ASXL2: variants seen among roughly 807,000 people sequenced by gnomAD.
ASXL2 encodes the protein putative Polycomb group protein ASXL2.
ASXL2 carries 23 observed loss-of-function variants against 122.0 expected under a neutral mutation model. That is an observed-to-expected ratio of 0.19 (90% CI 0.14 to 0.27). The LOEUF (loss-of-function observed/expected upper bound fraction) is 0.27, where lower values mean the gene tolerates loss of function less well. Ranked by LOEUF, ASXL2 falls within the 10% of genes least tolerant of loss-of-function variation. The probability of loss-of-function intolerance (pLI) is 1.00; values close to 1 mark genes in which losing one functional copy is unlikely to be tolerated. For synonymous variants in ASXL2, 650 were observed against 637.0 expected (o/e 1.02, Z -0.31); for missense variants, 1,518 against 1,713.8 (o/e 0.89, Z 2.02).
At chr2:25,834,623 G>A (rs1162572685) in intron 3 of ASXL2, among the ~76,000 whole-genome samples, 1 of 152,080 alleles carries the variant, frequency 6.6e-6, no homozygotes, top group Admixed American at 6.6e-5. Context: ...GAAAATACAT[G>A]GGCATGACTG....
intron 5 of ASXL2, among the ~76,000 whole-genome samples, chr2:25,778,212 G>A (rs557959550): frequency 2.9e-4 from 44 of 152,250 alleles, no homozygotes; most frequent in Admixed American, 1.9e-3. Flanking sequence ...ACTCAGTTAA[G>A]GATCTTCAGA....
chr2:25,757,504 A>AACACACAC (rs550460261), intron 9 of ASXL2, among the ~76,000 whole-genome samples: 2 of 148,694 alleles, frequency 1.3e-5, no homozygotes, highest in Admixed American at 6.7e-5. Flanking sequence ...AGAAAAAGAA[A>AACACACAC]ACACACACAC....
At chr2:25,791,110 G>A (rs1177856677) in intron 5 of ASXL2, among the ~76,000 whole-genome samples, 13 of 151,886 alleles carry the variant, frequency 8.6e-5, no homozygotes, top group Admixed American at 8.5e-4. Context: ...AAACAGTCTT[G>A]ATCTTCCTGG....
intron 3 of ASXL2, chr2:25,810,582 CTCTGCATCA>C: frequency 1.4e-6 from 1 of 731,602 alleles, no homozygotes; most frequent in South Asian, 1.4e-5. Context: ...CAGCTCTCTC[CTCTGCATCA>C]TCTGCCTGCT....
In ASXL2 at chr2:25,740,454, C is replaced by T. The variant is rs934042316; in HGVS notation, c.*1575G>A. ...GTACTATGTTGCATTAACATTTGTA[C>T]TTTACCCATTCCAAATTAGGAGACT... is the stretch of plus-strand genomic sequence containing the variant. On this transcript the variant is annotated 3_prime_UTR_variant, in exon 13 of 13. Transcript: ENST00000435504. 3.5e-5 allele frequency: 8 copies of T among 227,762 alleles called. No individual in the cohort carries two copies. The highest frequency in any genetic ancestry group is 1.8e-4 in the South Asian group (1 of 5,470). 14.1% of individuals were successfully genotyped at this position (227,762 alleles called of 1,614,324 possible). A position where few individuals can be genotyped will look rare whatever the true frequency, so the allele number is the denominator to read the frequency against.
intron 5 of ASXL2, among the ~76,000 whole-genome samples, chr2:25,795,975 T>G (rs10191905): frequency 0.28 from 42,153 of 152,034 alleles, 6,154 homozygotes; most frequent in African/African-American, 0.32. Context: ...AGAAGCACCC[T>G]CTTTGTCTTG....
intron 8 of ASXL2, among the ~76,000 whole-genome samples, chr2:25,762,639 T>A (rs1338165278): frequency 8.4e-6 from 1 of 118,374 alleles, no homozygotes; most frequent in Non-Finnish European, 1.6e-5. Flanking sequence ...TACTCCAGCC[T>A]GGGTGACAGA....
chr2:25,831,302 CA>C (rs943377385), intron 3 of ASXL2, among the ~76,000 whole-genome samples: 318 of 62,482 alleles, frequency 5.1e-3, no homozygotes, highest in East Asian at 0.016. Context: ...GACTCCGTCT[CA>C]AAAAAAAAAA....
chr2:25,822,607 T>C lies in ASXL2; in HGVS notation c.143+12931A>G, dbSNP rs555336922. 1.3e-3 allele frequency: 685 copies of C among 536,176 alleles called. 11 individuals are homozygous for C. Among genetic ancestry groups the C allele is most frequent in the South Asian group, 0.011 (669 of 62,828 alleles). 33.2% of individuals were successfully genotyped at this position (536,176 alleles called of 1,614,324 possible). A position where few individuals can be genotyped will look rare whatever the true frequency, so the allele number is the denominator to read the frequency against. On this transcript the variant is annotated intron_variant, in intron 3 of 12. Transcript: ENST00000435504. ...GTTGTCTCAGAGGAAGTGATAATTTTAAGTATTTAAATGAAGTTGATCTTT... is the reference window on the plus strand; with the variant it reads ...GTTGTCTCAGAGGAAGTGATAATTTCAAGTATTTAAATGAAGTTGATCTTT...
chr2:25,860,563 AT>A (rs2089832442), intron 1 of ASXL2, among the ~76,000 whole-genome samples: 1 of 149,544 alleles, frequency 6.7e-6, no homozygotes, highest in African/African-American at 2.5e-5. Context: ...AAATACAAAA[AT>A]GCCGGGCGTG....
intron 2 of ASXL2, among the ~76,000 whole-genome samples, chr2:25,842,129 A>G (rs1001331389): frequency 1.4e-4 from 22 of 152,036 alleles, no homozygotes; most frequent in African/African-American, 5.1e-4. Flanking sequence ...AAAAGAAAAA[A>G]AAAAAAGAAA....
At chr2:25,847,684 G>C (rs530889079) in intron 1 of ASXL2, among the ~76,000 whole-genome samples, 1 of 152,140 alleles carries the variant, frequency 6.6e-6, no homozygotes, top group Non-Finnish European at 1.5e-5. Flanking sequence ...ATACACCATG[G>C]ACCTGGATAA....
chr2:25,807,244 G>C (rs1253368657), intron 3 of ASXL2, among the ~76,000 whole-genome samples: 1 of 152,102 alleles, frequency 6.6e-6, no homozygotes, highest in African/African-American at 2.4e-5. Context: ...TTCCCTCTCA[G>C]TTTTCTGTTG....
rs188748699 is a variant in ASXL2 at position 25,746,625 on chromosome 2, T to G, written c.1861-2149A>C. On this transcript the variant is annotated intron_variant, in intron 12 of 12. Transcript: ENST00000435504. ...CGTGAGAGTAACTCTATACCTAACA[T>G]AATACATCATATCTATCATAATAAC... is the stretch of plus-strand genomic sequence containing the variant. Among the ~76,000 whole-genome samples the G allele has an allele frequency of 1.7e-4, 26 of 152,126 alleles. No individual in the cohort carries two copies. The East Asian group carries it at 4.6e-3, about 27-fold the overall frequency.
intron 3 of ASXL2, among the ~76,000 whole-genome samples, chr2:25,816,637 T>C (rs910810370): frequency 6.6e-6 from 1 of 152,200 alleles, no homozygotes; most frequent in Admixed American, 6.5e-5. Context: ...AAAAAAAGTA[T>C]TTGTTGTTAT....
intron 3 of ASXL2, among the ~76,000 whole-genome samples, chr2:25,814,945 C>T (rs1273478886): frequency 6.6e-6 from 1 of 152,186 alleles, no homozygotes; most frequent in Non-Finnish European, 1.5e-5. Flanking sequence ...AGAGGTAATA[C>T]TGCCTACTGT....
chr2:25,776,283 A>T, intron 5 of ASXL2, among the ~76,000 whole-genome samples: 1 of 152,200 alleles, frequency 6.6e-6, no homozygotes, highest in East Asian at 1.9e-4. Context: ...TTTGTGAATG[A>T]CTTTTTCAAC....
chr2:25,768,990 A>G (rs2088400348), intron 6 of ASXL2, 122 bp from the exon 7 acceptor site: 2 of 1,197,044 alleles, frequency 1.7e-6, no homozygotes, highest in Non-Finnish European at 2.3e-6. Flanking sequence ...AAATCTATCA[A>G]AGCAAACAAA....
At chr2:25,848,596 C>G (rs569858542) in intron 1 of ASXL2, among the ~76,000 whole-genome samples, 1 of 152,014 alleles carries the variant, frequency 6.6e-6, no homozygotes, top group African/African-American at 2.4e-5. Context: ...GCACTCCAGC[C>G]TGGGTGACAA....
Sources: gnomAD v4.1 joint callset for allele counts (sites outside exome capture counted in the v4.1 genomes callset) on GRCh38, gnomAD v4.1.1 for gene constraint, MANE v1.5 for transcripts, NCBI Gene and HGNC (gene_info 2026-07-23, HGNC 2026-07-21) for gene names.